Variants in USP15 observed in about 807,000 individuals in gnomAD.
USP15 encodes ubiquitin specific peptidase 15.
USP15 carries 18 observed loss-of-function variants against 127.1 expected under a neutral mutation model. That is an observed-to-expected ratio of 0.14 (90% CI 0.10 to 0.21). USP15 has a LOEUF of 0.21. USP15 is among the 10% of genes least tolerant of loss of function. The pLI, the probability that USP15 is intolerant of heterozygous loss-of-function variation, is 1.00. For missense variants in USP15, 805 were observed against 1,159.9 expected (o/e 0.69, Z 4.44); for synonymous variants, 364 against 393.7 (o/e 0.92, Z 0.89).
intron 1 of USP15, among the ~76,000 whole-genome samples, chr12:62,261,662 C>A (rs868731191): frequency 1.3e-5 from 2 of 152,072 alleles, no homozygotes; most frequent in Non-Finnish European, 2.9e-5. Context: ...TATCTTGATT[C>A]GTTTTAATAT....
Position 62,392,291 on chromosome 12 carries a change from G to T in USP15, c.2324G>T (p.Ser775Ile). The T allele has an allele frequency of 6.3e-7, 1 of 1,597,986 alleles. No homozygotes were observed. The highest frequency in any genetic ancestry group is 8.5e-7 in the Non-Finnish European group (1 of 1,174,870). The change falls in exon 18 of 22, where the codon AGT (serine) becomes ATT (isoleucine). Residue 775 changes from serine (S) to isoleucine (I), a missense_variant. Around this residue, in one of 11 missense-constraint regions of USP15, gnomAD observed 225 missense variants for 239.5 expected, o/e 0.94. Transcript: ENST00000280377. ...CTTTAGGACTTTGAAAAACATGAAAGTGTGGAGTATAAACCTCCTAAAAAA... is the reference window on the plus strand; with the variant it reads ...CTTTAGGACTTTGAAAAACATGAAATTGTGGAGTATAAACCTCCTAAAAAA... ...NAAEDFEKHE[S>I]VEYKPPKKPF...
Position 62,408,440 on chromosome 12 carries a change from G to C in USP15, c.*4065G>C, listed in dbSNP as rs2067944973. ...CTCTTGAATCATAGACTAGGGGAAGGAACCAGAGGTCCTCTAAAATATCAG... is the reference window on the plus strand; with the variant it reads ...CTCTTGAATCATAGACTAGGGGAAGCAACCAGAGGTCCTCTAAAATATCAG... On this transcript the variant is annotated 3_prime_UTR_variant, in exon 22 of 22. Coordinates refer to ENST00000280377, the MANE Select transcript of USP15 (RefSeq NM_001252078.2). 2 of 152,090 alleles carry C rather than the reference G, an allele frequency of 1.3e-5. No individual in the cohort carries two copies. The highest frequency in any genetic ancestry group is 4.1e-4 in the South Asian group (2 of 4,824). The allele number at this position is 152,090 out of a possible 1,614,324, so 9.4% of individuals were successfully genotyped here.
intron 19 of USP15, among the ~76,000 whole-genome samples, chr12:62,395,364 TA>T (rs2067453740): frequency 6.6e-6 from 1 of 152,118 alleles, no homozygotes; most frequent in African/African-American, 2.4e-5. Flanking sequence ...TATTTTATTT[TA>T]TTTTTTTATT....
chr12:62,263,196 T>A (rs2063113715), intron 1 of USP15, among the ~76,000 whole-genome samples: 1 of 152,216 alleles, frequency 6.6e-6, no homozygotes, highest in South Asian at 2.1e-4. Flanking sequence ...TATCTTTTTT[T>A]AATCTTTGAA....
At chr12:62,392,996 A>T in intron 18 of USP15, 57 bp from the exon 19 acceptor site, 1 of 1,569,550 alleles carries the variant, frequency 6.4e-7, no homozygotes, top group East Asian at 2.3e-5. Context: ...TATTATTTTC[A>T]TTAATGGGGG....
intron 1 of USP15, among the ~76,000 whole-genome samples, chr12:62,271,370 C>A (rs1396119240): frequency 6.6e-6 from 1 of 151,830 alleles, no homozygotes; most frequent in Non-Finnish European, 1.5e-5. Context: ...AGAGAGGGGC[C>A]CACAAGGGGC....
In USP15 at chr12:62,401,116, T is replaced by TTA. The variant is rs2067673905; in HGVS notation, c.2675-68_2675-67dup. 4.2e-6 allele frequency: 4 copies of TTA among 960,210 alleles called. No homozygotes were observed. The East Asian group carries it at 1.0e-4, about 25-fold the overall frequency. The allele number at this position is 960,210 out of a possible 1,614,324, so 59.5% of individuals were successfully genotyped here. ...TAATAGATATTCCTTATATAGATGA[T>TTA]TATAGAGTTTTGAGGAGTCCCCAGA... On this transcript the variant is annotated intron_variant, in intron 20 of 21. Transcript: ENST00000280377.
intron 6 of USP15, among the ~76,000 whole-genome samples, chr12:62,345,941 G>C (rs1309814473): frequency 6.6e-6 from 1 of 152,100 alleles, no homozygotes; most frequent in Non-Finnish European, 1.5e-5. Context: ...TTTCCCACCA[G>C]GACCCTCCCA....
chr12:62,316,067 C>A (rs1259861514), intron 4 of USP15, among the ~76,000 whole-genome samples: 1 of 151,978 alleles, frequency 6.6e-6, no homozygotes, highest in Admixed American at 6.6e-5. Flanking sequence ...GGTGGATCGC[C>A]TGAAGTGAGG....
intron 6 of USP15, among the ~76,000 whole-genome samples, chr12:62,346,054 C>G (rs1198389379): frequency 2.0e-5 from 3 of 152,082 alleles, no homozygotes; most frequent in Non-Finnish European, 4.4e-5. Context: ...TAGTCGTTTC[C>G]TAACGTAAAA....
chr12:62,335,792 T>A, intron 6 of USP15: 1 of 985,400 alleles, frequency 1.0e-6, no homozygotes, highest in Non-Finnish European at 1.2e-6. Flanking sequence ...ACAAAGTTCT[T>A]ATTTGTCTTT....
intron 11 of USP15, among the ~76,000 whole-genome samples, chr12:62,389,135 A>G (rs1406697754): frequency 6.6e-6 from 1 of 152,182 alleles, no homozygotes; most frequent in Non-Finnish European, 1.5e-5. Context: ...TCTCTAAACA[A>G]CAAACAAAAA....
intron 5 of USP15, among the ~76,000 whole-genome samples, chr12:62,324,580 G>A (rs1289770452): frequency 6.6e-6 from 1 of 151,892 alleles, no homozygotes; most frequent in Non-Finnish European, 1.5e-5. Context: ...AGAAAATTGA[G>A]ACAGTGATTA....
At chr12:62,390,018 A>C in intron 14 of USP15, 30 bp downstream of exon 14, 3 of 1,525,826 alleles carry the variant, frequency 2.0e-6, no homozygotes, top group Non-Finnish European at 2.6e-6. Flanking sequence ...ACATTGACAA[A>C]ATAAATATGG....
chr12:62,337,823 A>G (rs2065519050), intron 6 of USP15, among the ~76,000 whole-genome samples: 1 of 151,994 alleles, frequency 6.6e-6, no homozygotes, highest in Non-Finnish European at 1.5e-5. Flanking sequence ...ATTCTTTTTT[A>G]TGGCTGCATA....
intron 1 of USP15, among the ~76,000 whole-genome samples, chr12:62,264,789 C>T (rs2063155715): frequency 2.0e-5 from 3 of 152,176 alleles, no homozygotes; most frequent in African/African-American, 7.2e-5. Flanking sequence ...TATTACTCAA[C>T]ATGAATTTCA....
At chr12:62,338,763 T>A (rs11504121) in intron 6 of USP15, among the ~76,000 whole-genome samples, 50,384 of 151,990 alleles carry the variant, frequency 0.33, 8,898 homozygotes, top group African/African-American at 0.46. Flanking sequence ...CAGGTTTGTG[T>A]AAGATCACAT....
chr12:62,285,668 C>T (rs1033527563), intron 1 of USP15, among the ~76,000 whole-genome samples: 1 of 151,976 alleles, frequency 6.6e-6, no homozygotes, highest in African/African-American at 2.4e-5. Context: ...TGCTACATTG[C>T]CTTTATCCAA....
At chr12:62,312,754 CT>C (rs1187738103) in intron 3 of USP15, among the ~76,000 whole-genome samples, 1 of 151,488 alleles carries the variant, frequency 6.6e-6, no homozygotes, top group Non-Finnish European at 1.5e-5. Context: ...TAAAACTATA[CT>C]TTTTTTATAA....
Sources: allele counts gnomAD v4.1 joint callset (sites outside exome capture counted in the v4.1 genomes callset), GRCh38; gene constraint gnomAD v4.1.1; regional missense constraint gnomAD v4.1.1; transcripts MANE v1.5; gene names NCBI Gene and HGNC (gene_info 2026-07-23, HGNC 2026-07-21).